PDE4D: variants seen among roughly 807,000 people sequenced by gnomAD.
PDE4D encodes the protein 3',5'-cyclic-AMP phosphodiesterase 4D.
In PDE4D, 24 loss-of-function variants were observed where a neutral mutation model predicts 87.4. The observed-to-expected ratio is 0.27, with a 90% CI of 0.20 to 0.39. The LOEUF is 0.39. PDE4D is among the 10% of genes least tolerant of loss of function. PDE4D has a pLI of 1.00. For missense variants in PDE4D, 714 were observed against 1,041.0 expected (o/e 0.69, Z 4.32); for synonymous variants, 384 against 383.2 (o/e 1.00, Z -0.02).
intron 5 of PDE4D, among the ~76,000 whole-genome samples, chr5:59,156,220 CGA>C (rs1478303047): frequency 6.7e-6 from 1 of 150,290 alleles, no homozygotes; most frequent in African/African-American, 2.5e-5. Flanking sequence ...GCAAGAGATT[CGA>C]GAGAGACTGG....
At chr5:60,454,070 G>C (rs1746285768) in intron 1 of PDE4D, among the ~76,000 whole-genome samples, 1 of 152,132 alleles carries the variant, frequency 6.6e-6, no homozygotes. Flanking sequence ...TAATTCACTA[G>C]AACTATATTT....
At chr5:59,312,897 G>A (rs1301108912) in intron 1 of PDE4D, among the ~76,000 whole-genome samples, 3 of 152,144 alleles carry the variant, frequency 2.0e-5, no homozygotes, top group African/African-American at 7.2e-5. Context: ...TGCCACTGAT[G>A]CAGAAGACCA....
chr5:59,581,292 T>G (rs1824102427), intron 1 of PDE4D, among the ~76,000 whole-genome samples: 2 of 152,186 alleles, frequency 1.3e-5, no homozygotes, highest in Admixed American at 1.3e-4. Flanking sequence ...GGTTCTTCTT[T>G]GCATCTCAGA....
intron 1 of PDE4D, among the ~76,000 whole-genome samples, chr5:60,283,122 A>G (rs534124273): frequency 3.8e-4 from 58 of 152,236 alleles, no homozygotes; most frequent in African/African-American, 1.2e-3. Context: ...TCTGACTATA[A>G]TTATGAGCAG....
chr5:59,484,403 A>G (rs1299893023), intron 1 of PDE4D, among the ~76,000 whole-genome samples: 1 of 152,160 alleles, frequency 6.6e-6, no homozygotes, highest in African/African-American at 2.4e-5. Context: ...TGTAAATGTC[A>G]TATCTTTGTG....
chr5:59,720,150 C>T (rs1419358387), intron 1 of PDE4D, among the ~76,000 whole-genome samples: 6 of 152,136 alleles, frequency 3.9e-5, no homozygotes, highest in African/African-American at 1.2e-4. Flanking sequence ...AGACTATTTA[C>T]ACACTTGTTA....
chr5:60,188,724 T>C lies in PDE4D; in HGVS notation c.-89-3037A>G, dbSNP rs189818669. Among the ~76,000 whole-genome samples the C allele has an allele frequency of 3.4e-3, 512 of 152,254 alleles. 1 individual carries two copies. Among genetic ancestry groups the C allele is most frequent in the African/African-American group, 0.012 (489 of 41,536 alleles). On this transcript the variant is annotated intron_variant, in intron 1 of 16. Coordinates refer to the PDE4D transcript ENST00000502484. Reference sequence around the variant, plus strand: ...TAAACTTTCCAATACTCCTGTGAGGTAGACATTGTTAATATGTTTTCCCAT... The same window carrying C: ...TAAACTTTCCAATACTCCTGTGAGGCAGACATTGTTAATATGTTTTCCCAT...
intron 2 of PDE4D, among the ~76,000 whole-genome samples, chr5:60,183,941 T>G (rs575258103): frequency 1.3e-5 from 2 of 152,304 alleles, no homozygotes; most frequent in Non-Finnish European, 2.9e-5. Context: ...GTGGAAGCAT[T>G]TTCTTTATGC....
intron 2 of PDE4D, among the ~76,000 whole-genome samples, chr5:60,044,033 T>TC (rs1768855450): frequency 6.6e-6 from 1 of 152,118 alleles, no homozygotes; most frequent in African/African-American, 2.4e-5. Flanking sequence ...TGTAGCTTCT[T>TC]TCATGTTTTC....
intron 6 of PDE4D, among the ~76,000 whole-genome samples, chr5:58,993,736 T>C (rs1434576243): frequency 6.6e-6 from 1 of 152,144 alleles, no homozygotes; most frequent in Non-Finnish European, 1.5e-5. Context: ...TTTTATTTAA[T>C]TTTAACTACT....
intron 1 of PDE4D, among the ~76,000 whole-genome samples, chr5:60,464,139 C>T (rs901133157): frequency 1.3e-5 from 2 of 152,064 alleles, no homozygotes; most frequent in African/African-American, 4.8e-5. Context: ...ATCAATGTCT[C>T]CAGGAAGCCA....
At chr5:60,140,073 T>C (rs1212470435) in intron 2 of PDE4D, among the ~76,000 whole-genome samples, 1 of 152,098 alleles carries the variant, frequency 6.6e-6, no homozygotes, top group East Asian at 1.9e-4. Context: ...ACTTAATCTA[T>C]TTAATTTGTA....
At chr5:59,974,591 GT>G (rs1761114457) in intron 3 of PDE4D, among the ~76,000 whole-genome samples, 1 of 152,090 alleles carries the variant, frequency 6.6e-6, no homozygotes, top group Non-Finnish European at 1.5e-5. Flanking sequence ...TAGGACAAAC[GT>G]TATGGTCTTT....
chr5:60,512,305 C>T (rs1750612178), intron 1 of PDE4D, among the ~76,000 whole-genome samples: 1 of 152,016 alleles, frequency 6.6e-6, no homozygotes, highest in East Asian at 1.9e-4. Flanking sequence ...TATGCTCCCT[C>T]TCTCTCTCTT....
At chr5:60,190,630 C>G (rs1461698786) in intron 1 of PDE4D, among the ~76,000 whole-genome samples, 1 of 152,224 alleles carries the variant, frequency 6.6e-6, no homozygotes, top group African/African-American at 2.4e-5. Context: ...GGTCATAGAA[C>G]TGCCTGGGAC....
chr5:59,700,088 G>C (rs1011209397), intron 1 of PDE4D, among the ~76,000 whole-genome samples: 5 of 152,122 alleles, frequency 3.3e-5, no homozygotes, highest in Non-Finnish European at 7.4e-5. Context: ...CAATGAAATT[G>C]CATAACCATT....
intron 1 of PDE4D, among the ~76,000 whole-genome samples, chr5:59,857,008 T>C (rs1207766268): frequency 1.3e-5 from 2 of 152,146 alleles, no homozygotes; most frequent in Admixed American, 1.3e-4. Context: ...CAGCATTGAT[T>C]ATGTCACATA....
chr5:59,837,007 T>G (rs973488056), intron 1 of PDE4D, among the ~76,000 whole-genome samples: 2 of 151,946 alleles, frequency 1.3e-5, no homozygotes, highest in African/African-American at 2.4e-5. Context: ...TTGGAAAATA[T>G]TCACACTTTT....
chr5:60,468,676 C>T (rs1747582918), intron 1 of PDE4D, among the ~76,000 whole-genome samples: 1 of 151,862 alleles, frequency 6.6e-6, no homozygotes, highest in South Asian at 2.1e-4. Context: ...ACATGTGCCA[C>T]CATGTCTGGC....
Sources: gnomAD v4.1 joint callset for allele counts (sites outside exome capture counted in the v4.1 genomes callset) on GRCh38, gnomAD v4.1.1 for gene constraint, MANE v1.5 for transcripts, NCBI Gene and HGNC (gene_info 2026-07-23, HGNC 2026-07-21) for gene names.